EIF5A: variants seen among roughly 807,000 people sequenced by gnomAD.
The protein encoded by EIF5A is eukaryotic translation initiation factor 5A.
Under a neutral mutation model 16.6 loss-of-function variants are expected in EIF5A, and 1 was observed. The ratio of observed to expected loss-of-function variants is 0.06; its 90% confidence interval spans 0.02 to 0.28. The LOEUF is 0.28. Ranked by LOEUF, EIF5A falls within the 10% of genes least tolerant of loss-of-function variation. EIF5A has a pLI of 1.00. For synonymous variants in EIF5A, 80 were observed against 73.6 expected (o/e 1.09, Z -0.44); for missense variants, 29 against 196.1 (o/e 0.15, Z 5.09).
At chr17:7,310,219 T>C (rs1315014012) in intron 2 of EIF5A, 1 of 1,290,728 alleles carries the variant, frequency 7.7e-7, no homozygotes, top group South Asian at 1.2e-5. Context: ...GACTCCTGCG[T>C]CAATTCTGAG....
At chr17:7,308,740 T>C (rs1430069695) in intron 1 of EIF5A, among the ~76,000 whole-genome samples, 3 of 152,200 alleles carry the variant, frequency 2.0e-5, no homozygotes, top group Non-Finnish European at 4.4e-5. Context: ...TGTCTTCCTG[T>C]TGTAACTGGT....
chr17:7,308,262 C>T (rs980954456), intron 1 of EIF5A: 12 of 1,053,410 alleles, frequency 1.1e-5, no homozygotes, highest in African/African-American at 1.8e-5. Context: ...GGAGGCTGCC[C>T]TCGGGGTCGC....
upstream of EIF5A, chr17:7,307,136 T>A: frequency 6.3e-7 from 1 of 1,579,056 alleles, no homozygotes; most frequent in East Asian, 2.3e-5. Context: ...TAAGTCCAGT[T>A]AAAGCCGAGG....
intron 1 of EIF5A, 78 bp from the exon 2 acceptor site, chr17:7,309,537 T>A: frequency 6.4e-7 from 1 of 1,569,410 alleles, no homozygotes; most frequent in Non-Finnish European, 8.6e-7. Context: ...GGGAAAATGT[T>A]TCTGGAGAGA....
Position 7,311,945 on chromosome 17 carries a change from G to A in EIF5A, c.*135G>A, listed in dbSNP as rs1221135302. On this transcript the variant is annotated 3_prime_UTR_variant, in exon 6 of 6. Transcript: ENST00000336458. ...ACAATTTATTTGACGTTTTATTTTG[G>A]TTTTCCCCACCCCCTCAATCTGTCG... The A allele has an allele frequency of 2.1e-6, 1 of 473,760 alleles. No homozygotes were observed. Among genetic ancestry groups the A allele is most frequent in the Admixed American group, 3.8e-5 (1 of 26,568 alleles). The allele number at this position is 473,760 out of a possible 1,614,324, so 29.3% of individuals were successfully genotyped here.
chr17:7,307,678 C>A lies in EIF5A; in HGVS notation c.-96C>A. 1 of 1,049,532 alleles carries A rather than the reference C, an allele frequency of 9.5e-7. No homozygotes were observed. Among genetic ancestry groups the A allele is most frequent in the Non-Finnish European group, 1.1e-6 (1 of 871,834 alleles). The allele number at this position is 1,049,532 out of a possible 1,614,324, so 65.0% of individuals were successfully genotyped here. A position where few individuals can be genotyped will look rare whatever the true frequency, so the allele number is the denominator to read the frequency against. ...GCGGCGGCGGTAGAGGCGGCGGCGGCGGCGGCAGCGGGCTCGGAGGCAGCG... is the reference window on the plus strand; with the variant it reads ...GCGGCGGCGGTAGAGGCGGCGGCGGAGGCGGCAGCGGGCTCGGAGGCAGCG... On this transcript the variant is annotated 5_prime_UTR_variant, in exon 1 of 6. Transcript: ENST00000336458.
At chr17:7,309,863 A>G (rs1385561047) in intron 2 of EIF5A, 63 bp downstream of exon 2, 1 of 1,613,940 alleles carries the variant, frequency 6.2e-7, no homozygotes, top group African/African-American at 1.3e-5. Flanking sequence ...CGCTCCCAGC[A>G]GCAAGCTGCC....
chr17:7,310,119 A>T (rs2072772233), intron 2 of EIF5A: 1 of 1,338,816 alleles, frequency 7.5e-7, no homozygotes, highest in Admixed American at 2.2e-5. Flanking sequence ...CTTGGTTTTC[A>T]CTTTTTCTTT....
In EIF5A at chr17:7,310,974, T is replaced by C. The variant is rs1444183313; in HGVS notation, c.166-44T>C. The stretch of plus-strand genomic sequence containing the variant: ...TCAATTTGAGCCTTTATTTCCTCCG[T>C]TTTAGAGTTTGGTTGGGTTTCTCTT... On this transcript the variant is annotated intron_variant, in intron 2 of 5. Coordinates refer to ENST00000336458, the MANE Select transcript of EIF5A (RefSeq NM_001970.5). 5 of 1,581,908 alleles carry C rather than the reference T, an allele frequency of 3.2e-6. No homozygotes were observed. In the South Asian group the frequency reaches 5.7e-5, roughly 18 times the overall value.
At chr17:7,309,831 C>G in intron 2 of EIF5A, 31 bp downstream of exon 2, 2 of 1,614,100 alleles carry the variant, frequency 1.2e-6, no homozygotes, top group Non-Finnish European at 1.7e-6. Flanking sequence ...TCTTGCCTTC[C>G]CCATGCCTCC....
chr17:7,308,069 G>C (rs1678536912), intron 1 of EIF5A: 1 of 988,392 alleles, frequency 1.0e-6, no homozygotes, highest in African/African-American at 1.8e-5. Flanking sequence ...ACCGGGGCAA[G>C]GGTACCTGGG....
chr17:7,310,582 C>T, intron 2 of EIF5A: 1 of 1,067,184 alleles, frequency 9.4e-7, no homozygotes, highest in Non-Finnish European at 1.1e-6. Flanking sequence ...TATTTCTGAT[C>T]TCCCTGCAAG....
chr17:7,307,308 T>C, upstream of EIF5A: 1 of 1,195,204 alleles, frequency 8.4e-7, no homozygotes, highest in Non-Finnish European at 1.1e-6. Context: ...TTAGAGGGTG[T>C]GGAGTGCAGG....
chr17:7,309,198 G>T (rs894704712), intron 1 of EIF5A, among the ~76,000 whole-genome samples: 4 of 138,776 alleles, frequency 2.9e-5, no homozygotes, highest in Non-Finnish European at 6.3e-5. Context: ...CCCCCAATTA[G>T]CCCTGCCCTT....
In EIF5A at chr17:7,311,342, G is replaced by T. The variant is rs764706416; in HGVS notation, c.271-8G>T. 4 of 1,613,864 alleles carry T rather than the reference G, an allele frequency of 2.5e-6. No individual in the cohort carries two copies. The highest frequency in any genetic ancestry group is 1.7e-5 in the Admixed American group (1 of 59,978). ...CTACCTTCAGCCTCCTTCCCTATCT[G>T]CCCCCAGCTGATTGGCATCCAGGAT... On this transcript the variant is annotated splice_region_variant and splice_polypyrimidine_tract_variant and intron_variant, in intron 3 of 5. Transcript: ENST00000336458.
chr17:7,310,577 C>T (rs2072790828), intron 2 of EIF5A: 3 of 1,068,712 alleles, frequency 2.8e-6, no homozygotes, highest in African/African-American at 3.4e-5. Flanking sequence ...ATAGTTATTT[C>T]TGATCTCCCT....
intron 1 of EIF5A, chr17:7,308,522 G>A (rs761723757): frequency 1.3e-5 from 18 of 1,351,444 alleles, no homozygotes; most frequent in Non-Finnish European, 1.5e-5. Context: ...AACCTCAAGG[G>A]CCCCAGGAGC....
chr17:7,308,365 T>C (rs2072697473), intron 1 of EIF5A: 2 of 1,183,044 alleles, frequency 1.7e-6, no homozygotes, highest in Non-Finnish European at 2.1e-6. Flanking sequence ...AACGGCCACA[T>C]GGTCGGCAGG....
chr17:7,307,384 T>G (rs1486535027), upstream of EIF5A: 4 of 1,215,432 alleles, frequency 3.3e-6, no homozygotes, highest in African/African-American at 4.7e-5. Flanking sequence ...GGAGGGAAGA[T>G]GAGGTTGAAG....
Sources: gnomAD v4.1 joint callset for allele counts (sites outside exome capture counted in the v4.1 genomes callset) on GRCh38, gnomAD v4.1.1 for gene constraint, MANE v1.5 for transcripts, NCBI Gene and HGNC (gene_info 2026-07-23, HGNC 2026-07-21) for gene names.